PRKG1: variants seen among roughly 807,000 people sequenced by gnomAD.
PRKG1 encodes cGMP-dependent protein kinase 1.
Under a neutral mutation model 88.1 loss-of-function variants are expected in PRKG1, and 35 were observed. The ratio of observed to expected loss-of-function variants is 0.40; its 90% CI spans 0.30 to 0.53. The LOEUF (loss-of-function observed/expected upper bound fraction) is 0.53, where lower values mean the gene tolerates loss of function less well. Ranked by LOEUF, PRKG1 falls within the 20% of genes least tolerant of loss-of-function variation. The pLI, the probability that PRKG1 is intolerant of heterozygous loss-of-function variation, is 0.59. For missense variants in PRKG1, 540 were observed against 839.8 expected (o/e 0.64, Z 4.41); for synonymous variants, 303 against 292.5 (o/e 1.04, Z -0.37).
At chr10:51,148,848 A>C (rs562884833) in intron 1 of PRKG1, among the ~76,000 whole-genome samples, 1 of 152,318 alleles carries the variant, frequency 6.6e-6, no homozygotes, top group East Asian at 1.9e-4. Flanking sequence ...AACATTTTAA[A>C]GTAAATTTAT....
chr10:52,075,638 C>CA (rs1846609155), intron 7 of PRKG1, among the ~76,000 whole-genome samples: 2 of 152,128 alleles, frequency 1.3e-5, no homozygotes, highest in East Asian at 1.9e-4. Context: ...TTTGCCGTTA[C>CA]AAAAAATACT....
chr10:51,758,985 T>C (rs1385206040), intron 3 of PRKG1, among the ~76,000 whole-genome samples: 1 of 152,102 alleles, frequency 6.6e-6, no homozygotes, highest in South Asian at 2.1e-4. Context: ...CTGAGAATTA[T>C]GGTTTCCAGC....
chr10:51,590,998 G>T (rs1186258277), intron 3 of PRKG1, among the ~76,000 whole-genome samples: 1 of 152,282 alleles, frequency 6.6e-6, no homozygotes, highest in East Asian at 1.9e-4. Context: ...GGAGTGTACT[G>T]GACATTGATT....
intron 3 of PRKG1, among the ~76,000 whole-genome samples, chr10:51,750,083 A>T (rs1253449927): frequency 2.6e-5 from 4 of 151,886 alleles, no homozygotes; most frequent in Admixed American, 2.0e-4. Context: ...TTACAGGCTC[A>T]TGCCACCATG....
At chr10:51,464,108 A>G (rs10823042) in intron 2 of PRKG1, among the ~76,000 whole-genome samples, 47,731 of 146,732 alleles carry the variant, frequency 0.33, 7,911 homozygotes, top group Admixed American at 0.43. Context: ...CATCTCTACT[A>G]AAATACAAAA....
intron 4 of PRKG1, among the ~76,000 whole-genome samples, chr10:51,839,877 A>G (rs1316456484): frequency 1.3e-5 from 2 of 152,232 alleles, no homozygotes; most frequent in Non-Finnish European, 2.9e-5. Flanking sequence ...CATTTCTACC[A>G]ACAGCAGTTT....
chr10:51,331,027 G>T (rs1223029869), intron 2 of PRKG1, among the ~76,000 whole-genome samples: 1 of 152,066 alleles, frequency 6.6e-6, no homozygotes, highest in Non-Finnish European at 1.5e-5. Flanking sequence ...GCAGTCCTGG[G>T]GTAGTTCAGA....
chr10:51,908,484 A>G (rs889365848), intron 5 of PRKG1: 2 of 152,116 alleles, frequency 1.3e-5, no homozygotes, highest in South Asian at 2.1e-4. Context: ...GGACATTGCA[A>G]TTAATTTAGC....
At chr10:51,884,672 C>T (rs1019240941) in intron 4 of PRKG1, among the ~76,000 whole-genome samples, 1 of 152,116 alleles carries the variant, frequency 6.6e-6, no homozygotes, top group Non-Finnish European at 1.5e-5. Context: ...CCAAGGTGGA[C>T]TCACATCATT....
intron 1 of PRKG1, among the ~76,000 whole-genome samples, chr10:50,994,693 C>T (rs1386043645): frequency 6.6e-6 from 1 of 151,606 alleles, no homozygotes; most frequent in Non-Finnish European, 1.5e-5. Context: ...CAAACTTTAT[C>T]AAAATACCCA....
At chr10:51,950,340 A>G (rs1015537128) in intron 5 of PRKG1, among the ~76,000 whole-genome samples, 2 of 152,384 alleles carry the variant, frequency 1.3e-5, no homozygotes, top group Admixed American at 1.3e-4. Context: ...GATAAACTAC[A>G]GATCACCAAG....
intron 9 of PRKG1, among the ~76,000 whole-genome samples, chr10:52,169,551 GGCAGTGCACAGTCTACA>G (rs1309907781): frequency 2.6e-5 from 4 of 152,150 alleles, no homozygotes; most frequent in Admixed American, 6.5e-5. Context: ...TTAGGTAGGA[GGCAGTGCACAGTCTACA>G]GCAGTGTGCT....
At chr10:51,797,806 C>T (rs1483741363) in intron 3 of PRKG1, among the ~76,000 whole-genome samples, 6 of 151,582 alleles carry the variant, frequency 4.0e-5, no homozygotes, top group Non-Finnish European at 7.4e-5. Flanking sequence ...TTCATTTCCC[C>T]GCTCCTTCCC....
intron 7 of PRKG1, among the ~76,000 whole-genome samples, chr10:52,079,217 T>G (rs890371239): frequency 6.6e-6 from 1 of 152,208 alleles, no homozygotes; most frequent in Non-Finnish European, 1.5e-5. Context: ...CATTCATTTA[T>G]CTCTTTTAAC....
intron 4 of PRKG1, among the ~76,000 whole-genome samples, chr10:51,836,833 A>G (rs1465570366): frequency 6.6e-6 from 1 of 152,182 alleles, no homozygotes; most frequent in African/African-American, 2.4e-5. Flanking sequence ...ACTGCTGCTT[A>G]TGCTACTGAA....
intron 4 of PRKG1, among the ~76,000 whole-genome samples, chr10:51,895,364 T>C (rs73333484): frequency 0.08 from 12,114 of 152,202 alleles, 596 homozygotes; most frequent in African/African-American, 0.13. Context: ...TGTTGCCCAA[T>C]CCCTTCTGGA....
chr10:51,696,629 GCAA>G (rs1292834377), intron 3 of PRKG1: 1 of 151,810 alleles, frequency 6.6e-6, no homozygotes, highest in Non-Finnish European at 1.5e-5. Context: ...GATAAGTGAA[GCAA>G]CATTAAACCA....
chr10:51,400,808 G>C (rs1228509869), intron 2 of PRKG1, among the ~76,000 whole-genome samples: 1 of 152,140 alleles, frequency 6.6e-6, no homozygotes, highest in Non-Finnish European at 1.5e-5. Context: ...TGGTGAACTA[G>C]CAGCAGCCCC....
At chr10:51,703,047 A>AAGTCAT (rs1328640617) in intron 3 of PRKG1, among the ~76,000 whole-genome samples, 1 of 152,162 alleles carries the variant, frequency 6.6e-6, no homozygotes, top group Non-Finnish European at 1.5e-5. Flanking sequence ...CTTCATTTAT[A>AAGTCAT]AGTCATACTA....
Sources: allele counts gnomAD v4.1 joint callset (sites outside exome capture counted in the v4.1 genomes callset), GRCh38; gene constraint gnomAD v4.1.1; transcripts MANE v1.5; gene names NCBI Gene and HGNC (gene_info 2026-07-23, HGNC 2026-07-21).